ZNF827: variants seen among roughly 807,000 people sequenced by gnomAD.
ZNF827 encodes zinc finger protein 827.
In ZNF827, 13 loss-of-function variants were observed where a neutral mutation model predicts 102.4. The observed-to-expected ratio is 0.13, with a 90% CI of 0.08 to 0.20. The LOEUF (loss-of-function observed/expected upper bound fraction) is 0.20, where lower values mean the gene tolerates loss of function less well. ZNF827 is among the 10% of genes least tolerant of loss of function. The probability of loss-of-function intolerance (pLI) is 1.00; values close to 1 mark genes in which losing one functional copy is unlikely to be tolerated. For synonymous variants in ZNF827, 523 were observed against 536.2 expected, an observed-to-expected ratio of 0.98 and a Z score of 0.34; for missense variants, 1,103 against 1,344.4, an observed-to-expected ratio of 0.82 and a Z score of 2.81.
Position 145,765,113 on chromosome 4 carries a change from C to T in ZNF827, c.3105G>A (p.Glu1035=). 1.2e-6 allele frequency: 2 copies of T among 1,613,964 alleles called. No individual in the cohort carries two copies. The highest frequency in any genetic ancestry group is 1.7e-6 in the Non-Finnish European group (2 of 1,179,972). The change falls in exon 13 of 15, where the codon GAG becomes GAA. Residue 1035 remains glutamate (E), a synonymous_variant. Transcript: ENST00000508784. The surrounding 1 kb of genome is among the most constrained non-coding windows in gnomAD (Gnocchi z 4.7). ...TGATGAGGTGTATCTGCAGATGACG[C>T]TCAAACATGTTCTTCGTCTTGCAGA... is the stretch of plus-strand genomic sequence containing the variant. ...NFVCKTKNMF[E]RHLQIHLITR... is the part of the protein sequence containing the mutation.
At chr4:145,892,197 T>C (rs750592203) in intron 3 of ZNF827, 46 bp downstream of exon 3, 1 of 1,563,410 alleles carries the variant, frequency 6.4e-7, no homozygotes, top group Non-Finnish European at 8.7e-7. Context: ...ACAGAAGCCC[T>C]GGCTGTGCCT....
chr4:145,847,734 C>T lies in ZNF827; in HGVS notation c.2221+1588G>A, dbSNP rs147321189. Among the ~76,000 whole-genome samples the T allele has an allele frequency of 2.6e-5, 4 of 152,282 alleles. No homozygotes were observed. The East Asian group carries it at 7.7e-4, about 29-fold the overall frequency. ...CTTTTAATATCTAGAAAAAACCTGG[C>T]CAACTGTATAAGAGTTTCAGATTTA... On this transcript the variant is annotated intron_variant, in intron 6 of 14. Transcript: ENST00000508784.
chr4:145,867,345 A>G (rs1748301660), intron 5 of ZNF827, among the ~76,000 whole-genome samples: 1 of 152,252 alleles, frequency 6.6e-6, no homozygotes, highest in Non-Finnish European at 1.5e-5. Flanking sequence ...ATAAAACACA[A>G]ATGTCAATTT....
In ZNF827 at chr4:145,760,896, G is replaced by A. The variant is rs1404568982; in HGVS notation, c.*720C>T. On this transcript the variant is annotated 3_prime_UTR_variant, in exon 15 of 15. Coordinates refer to ENST00000508784, the MANE Select transcript of ZNF827 (RefSeq NM_001306215.2). Reference sequence around the variant, plus strand: ...GAGGGTGGAATGTGAGATCCAAGTGGTTCTTGGGGTATAACATTGTCAAGG... The same window carrying A: ...GAGGGTGGAATGTGAGATCCAAGTGATTCTTGGGGTATAACATTGTCAAGG... 2.6e-5 allele frequency: 32 copies of A among 1,232,408 alleles called. No individual in the cohort carries two copies. Among genetic ancestry groups the A allele is most frequent in the Non-Finnish European group, 3.0e-5 (29 of 962,726 alleles). The allele number at this position is 1,232,408 out of a possible 1,614,324, so 76.3% of individuals were successfully genotyped here.
At chr4:145,784,348 C>G (rs992747474) in intron 8 of ZNF827, among the ~76,000 whole-genome samples, 1 of 152,176 alleles carries the variant, frequency 6.6e-6, no homozygotes, top group African/African-American at 2.4e-5. Context: ...TTTCAGCCAC[C>G]GTTGGTTGGG....
chr4:145,902,857 G>A lies in ZNF827; in HGVS notation c.402C>T (p.Leu134=), dbSNP rs1043208848. Residue 134 remains leucine (L), a synonymous_variant, in exon 2 of 15, where the codon CTC becomes CTT. Transcript: ENST00000508784. The surrounding 1 kb of genome is among the most constrained non-coding windows in gnomAD (Gnocchi z 4.3). ...RRLLEAGSLK[L]DAAATANGRV... Reference sequence around the variant, plus strand: ...TGCCATTAGCCGTGGCTGCAGCATCGAGTTTGAGGGAACCAGCCTCCAGCA... The same window carrying A: ...TGCCATTAGCCGTGGCTGCAGCATCAAGTTTGAGGGAACCAGCCTCCAGCA... 22 of 1,614,106 alleles carry A rather than the reference G, an allele frequency of 1.4e-5. No individual in the cohort carries two copies. Among genetic ancestry groups the A allele is most frequent in the Middle Eastern group, 3.3e-4 (2 of 6,060 alleles).
intron 5 of ZNF827, among the ~76,000 whole-genome samples, chr4:145,866,038 C>G (rs1748154018): frequency 6.6e-6 from 1 of 152,164 alleles, no homozygotes. Flanking sequence ...ATCTGTCGGT[C>G]CAGAGAGAAG....
rs984061596 is a variant in ZNF827, at chr4:145,765,367, C to G, written c.3052+180G>C. On this transcript the variant is annotated intron_variant, in intron 12 of 14. Coordinates refer to ENST00000508784, the MANE Select transcript of ZNF827 (RefSeq NM_001306215.2). This position sits in a 1 kb window ranked among gnomAD's most constrained non-coding sequence, Gnocchi z 4.7. ...AATCAATGTCACCCTCCCCATCCTT[C>G]CACCCCATACTCGGATTCAAATTAA... Among the ~76,000 whole-genome samples the G allele has an allele frequency of 2.0e-5, 3 of 152,178 alleles. No homozygotes were observed. Among genetic ancestry groups the G allele is most frequent in the African/African-American group, 7.2e-5 (3 of 41,440 alleles).
chr4:145,926,631 G>A (rs947801647), intron 1 of ZNF827, among the ~76,000 whole-genome samples: 4 of 152,082 alleles, frequency 2.6e-5, no homozygotes, highest in African/African-American at 4.8e-5. Flanking sequence ...GGTGGAAGTT[G>A]GGATGAGGGG....
intron 6 of ZNF827, 139 bp downstream of exon 6, chr4:145,849,183 T>A: frequency 2.0e-6 from 2 of 1,023,214 alleles, no homozygotes; most frequent in Non-Finnish European, 2.8e-6. Flanking sequence ...TGGGTGGCAG[T>A]ATGCATGTTA....
chr4:145,784,862 TAC>T (rs1218895743), intron 8 of ZNF827, among the ~76,000 whole-genome samples: 1 of 152,250 alleles, frequency 6.6e-6, no homozygotes, highest in African/African-American at 2.4e-5. Flanking sequence ...TCTTTTTTTG[TAC>T]AGAGTCTCAT....
At chr4:145,769,268 A>AGCTATGT (rs1349826089) in intron 11 of ZNF827, among the ~76,000 whole-genome samples, 1 of 152,070 alleles carries the variant, frequency 6.6e-6, no homozygotes, top group Non-Finnish European at 1.5e-5. Context: ...GGTACAAGAA[A>AGCTATGT]GCTATGTGAC....
intron 7 of ZNF827, among the ~76,000 whole-genome samples, chr4:145,827,458 A>T (rs1743803681): frequency 6.6e-6 from 1 of 152,242 alleles, no homozygotes; most frequent in African/African-American, 2.4e-5. Flanking sequence ...CCAATTTCCT[A>T]AAACTTGTAC....
intron 5 of ZNF827, among the ~76,000 whole-genome samples, chr4:145,866,914 C>T (rs1579421756): frequency 1.3e-5 from 2 of 152,340 alleles, no homozygotes; most frequent in South Asian, 4.1e-4. Context: ...CATGATAACA[C>T]AGCTATCCCA....
chr4:145,900,624 G>C (rs1386455094), intron 2 of ZNF827, among the ~76,000 whole-genome samples: 1 of 151,992 alleles, frequency 6.6e-6, no homozygotes, highest in Non-Finnish European at 1.5e-5. Flanking sequence ...TGGTCAGGAT[G>C]GTCTTGACCC....
At chr4:145,886,191 C>A (rs568365541) in intron 3 of ZNF827, 33 bp from the exon 4 acceptor site, 1 of 1,548,620 alleles carries the variant, frequency 6.5e-7, no homozygotes, top group East Asian at 2.3e-5. Context: ...GAGCTAGCCA[C>A]CGTGCATTTA....
At chr4:145,769,137 A>G (rs1735860935) in intron 11 of ZNF827, among the ~76,000 whole-genome samples, 1 of 151,878 alleles carries the variant, frequency 6.6e-6, no homozygotes, top group Admixed American at 6.6e-5. Flanking sequence ...CAGGGCAGAC[A>G]ACTCTTACTT....
chr4:145,891,807 G>GT (rs1019674984), intron 3 of ZNF827, among the ~76,000 whole-genome samples: 1 of 152,180 alleles, frequency 6.6e-6, no homozygotes, highest in Non-Finnish European at 1.5e-5. Flanking sequence ...GGGTAAGGCA[G>GT]TAACAGCCAA....
intron 8 of ZNF827, among the ~76,000 whole-genome samples, chr4:145,781,121 G>A (rs752607171): frequency 7.0e-6 from 1 of 143,044 alleles, no homozygotes; most frequent in Non-Finnish European, 1.5e-5. Flanking sequence ...GCGTGAACCC[G>A]GGAGGTGGAG....
Sources: gnomAD v4.1 joint callset for allele counts (sites outside exome capture counted in the v4.1 genomes callset) on GRCh38, gnomAD v4.1.1 for gene constraint, Gnocchi (gnomAD v3.1) non-coding constraint, MANE v1.5 for transcripts, NCBI Gene and HGNC (gene_info 2026-07-23, HGNC 2026-07-21) for gene names.